The following FRMD4B variants were observed in gnomAD, a reference collection of about 807,000 sequenced individuals.
FRMD4B encodes the protein FERM domain-containing protein 4B.
In FRMD4B, 74 loss-of-function variants were observed where a neutral mutation model predicts 141.5. The ratio of observed to expected loss-of-function variants is 0.52; its 90% confidence interval spans 0.43 to 0.63. The LOEUF is 0.63. Ranked by LOEUF, FRMD4B falls within the 30% of genes least tolerant of loss-of-function variation. FRMD4B has a pLI of 0.00. For missense variants in FRMD4B, 1,366 were observed against 1,253.4 expected (o/e 1.09, Z -1.36); for synonymous variants, 506 against 467.9 (o/e 1.08, Z -1.05).
chr3:69,371,373 C>G (rs369966675), intron 1 of FRMD4B, among the ~76,000 whole-genome samples: 2 of 152,032 alleles, frequency 1.3e-5, no homozygotes, highest in East Asian at 3.9e-4. Flanking sequence ...TGGGAGGAGC[C>G]TAGGTAGAAG....
At chr3:69,289,848 CA>C (rs1172848393) in intron 4 of FRMD4B, among the ~76,000 whole-genome samples, 2 of 152,062 alleles carry the variant, frequency 1.3e-5, no homozygotes, top group East Asian at 3.9e-4. Flanking sequence ...TATAGCCAAT[CA>C]CTGATCAATG....
chr3:69,264,265 C>G (rs1022039819), intron 5 of FRMD4B, among the ~76,000 whole-genome samples: 1 of 152,098 alleles, frequency 6.6e-6, no homozygotes, highest in Admixed American at 6.6e-5. Context: ...TCACCCCTGC[C>G]TAGTAGGTAT....
intron 11 of FRMD4B, among the ~76,000 whole-genome samples, chr3:69,213,687 A>T (rs1575616129): frequency 6.9e-6 from 1 of 144,954 alleles, no homozygotes; most frequent in Middle Eastern, 3.6e-3. Context: ...TTCTGACACA[A>T]GGTTTTGCTC....
intron 1 of FRMD4B, among the ~76,000 whole-genome samples, chr3:69,495,396 T>C (rs528702748): frequency 2.0e-5 from 3 of 152,146 alleles, no homozygotes; most frequent in Non-Finnish European, 4.4e-5. Context: ...GAAAGAGCAA[T>C]CTGTTGGCTG....
chr3:69,198,617 TAAAAAC>T, intron 12 of FRMD4B, 75 bp downstream of exon 12: 1 of 736,758 alleles, frequency 1.4e-6, no homozygotes, highest in Non-Finnish European at 2.4e-6. Context: ...TATGTTCATA[TAAAAAC>T]TTGTACACAA....
rs1450569145 is a variant in FRMD4B at position 69,170,737 on chromosome 3, A to T, written c.*1124T>A. ...CCATAGCTAATTAGTTCTTCCAAGGAAAGTATGAGGTAGTTTTAGCCTCAT... is the reference window on the plus strand; with the variant it reads ...CCATAGCTAATTAGTTCTTCCAAGGTAAGTATGAGGTAGTTTTAGCCTCAT... On this transcript the variant is annotated 3_prime_UTR_variant, in exon 23 of 23. Coordinates refer to ENST00000398540, the MANE Select transcript of FRMD4B (RefSeq NM_015123.3). 3 of 152,220 alleles carry T rather than the reference A, an allele frequency of 2.0e-5. No homozygotes were observed. Among genetic ancestry groups the T allele is most frequent in the Non-Finnish European group, 4.4e-5 (3 of 68,036 alleles). The allele number at this position is 152,220 out of a possible 1,614,324, so 9.4% of individuals were successfully genotyped here.
At chr3:69,216,915 G>C (rs918441153) in intron 10 of FRMD4B, among the ~76,000 whole-genome samples, 1 of 151,888 alleles carries the variant, frequency 6.6e-6, no homozygotes, top group African/African-American at 2.4e-5. Context: ...TGATTAAACA[G>C]TTGGAGAAAA....
chr3:69,204,743 T>C (rs1310577347), intron 11 of FRMD4B, among the ~76,000 whole-genome samples: 1 of 152,120 alleles, frequency 6.6e-6, no homozygotes, highest in Non-Finnish European at 1.5e-5. Context: ...ATACAACAAA[T>C]ACGCAGTTAA....
At chr3:69,368,151 C>G (rs944534310) in intron 1 of FRMD4B, among the ~76,000 whole-genome samples, 16 of 152,106 alleles carry the variant, frequency 1.1e-4, no homozygotes, top group Non-Finnish European at 1.9e-4. Flanking sequence ...TCACATGGCA[C>G]TCTCCCATTT....
chr3:69,406,499 T>C (rs534273982), intron 2 of FRMD4B, among the ~76,000 whole-genome samples: 1 of 152,296 alleles, frequency 6.6e-6, no homozygotes, highest in African/African-American at 2.4e-5. Context: ...ACATTTCCAT[T>C]GTAAAATATT....
At chr3:69,387,289 A>G (rs1389068836), upstream of FRMD4B, among the ~76,000 whole-genome samples, 2 of 151,788 alleles carry the variant, frequency 1.3e-5, no homozygotes, top group Non-Finnish European at 2.9e-5. Context: ...TATTATCATT[A>G]TTTTTTTTGT....
At chr3:69,441,432 T>G (rs1040130990) in intron 1 of FRMD4B, among the ~76,000 whole-genome samples, 1 of 152,152 alleles carries the variant, frequency 6.6e-6, no homozygotes, top group Non-Finnish European at 1.5e-5. Flanking sequence ...TGTTTGGGCC[T>G]CGGTTCAGAT....
chr3:69,236,227 G>GTT (rs1559741226), intron 7 of FRMD4B, among the ~76,000 whole-genome samples: 1 of 149,510 alleles, frequency 6.7e-6, no homozygotes, highest in Non-Finnish European at 1.5e-5. Context: ...TTATTGTTTT[G>GTT]GTTTTTTTTT....
chr3:69,409,881 C>G (rs1258520781), intron 2 of FRMD4B, among the ~76,000 whole-genome samples: 1 of 152,182 alleles, frequency 6.6e-6, no homozygotes, highest in Non-Finnish European at 1.5e-5. Context: ...CTGGCAGCCT[C>G]TTCAACTGCA....
At chr3:69,426,109 G>C (rs1705073181) in intron 2 of FRMD4B, among the ~76,000 whole-genome samples, 1 of 152,140 alleles carries the variant, frequency 6.6e-6, no homozygotes, top group Admixed American at 6.5e-5. Context: ...TTAAAACAGG[G>C]CATATGCCAT....
At chr3:69,384,497 G>T (rs1005482082) in intron 1 of FRMD4B, among the ~76,000 whole-genome samples, 1 of 152,164 alleles carries the variant, frequency 6.6e-6, no homozygotes, top group African/African-American at 2.4e-5. Flanking sequence ...GAAAAAAAAG[G>T]CTTGAAAGAC....
rs577352109 is a variant in FRMD4B at position 69,170,845 on chromosome 3, T to G, written c.*1016A>C. 1 of 152,322 alleles carries G rather than the reference T, an allele frequency of 6.6e-6. No individual in the cohort carries two copies. Among genetic ancestry groups the G allele is most frequent in the Non-Finnish European group, 1.5e-5 (1 of 68,028 alleles). The allele number at this position is 152,322 out of a possible 1,614,324, so 9.4% of individuals were successfully genotyped here. A position where few individuals can be genotyped will look rare whatever the true frequency, so the allele number is the denominator to read the frequency against. On this transcript the variant is annotated 3_prime_UTR_variant, in exon 23 of 23. Transcript: ENST00000398540. ...TGTTAACCTTGTTTTTGTCACTTGG[T>G]GACTTGGAACTACTTGTGGAATCCA... is the stretch of plus-strand genomic sequence containing the variant.
intron 5 of FRMD4B, among the ~76,000 whole-genome samples, chr3:69,251,616 C>G (rs1361222406): frequency 6.6e-6 from 1 of 152,194 alleles, no homozygotes; most frequent in Non-Finnish European, 1.5e-5. Flanking sequence ...CTTCTGAAAC[C>G]TGAGGAGAGG....
In FRMD4B at chr3:69,538,073, G is replaced by A. The variant is rs1354570822; in HGVS notation, c.-129+4133C>T. 3.3e-5 allele frequency among the ~76,000 whole-genome samples: 5 copies of A among 152,198 alleles called. No individual in the cohort carries two copies. The South Asian group carries it at 8.3e-4, about 25-fold the overall frequency. ...AACTTTTTGTTCAACAACTGGGGAAGGGGAGTTCTTTGGTTGCTGGACTTG... is the reference window on the plus strand; with the variant it reads ...AACTTTTTGTTCAACAACTGGGGAAAGGGAGTTCTTTGGTTGCTGGACTTG... On this transcript the variant is annotated intron_variant, in intron 1 of 5. Coordinates refer to the FRMD4B transcript ENST00000459638.
Sources: allele counts gnomAD v4.1 joint callset (sites outside exome capture counted in the v4.1 genomes callset), GRCh38; gene constraint gnomAD v4.1.1; transcripts MANE v1.5; gene names NCBI Gene and HGNC (gene_info 2026-07-23, HGNC 2026-07-21).